Variants in ME3 observed in about 807,000 individuals in gnomAD.
ME3 encodes malic enzyme 3.
A neutral mutation model predicts 68.9 loss-of-function variants in ME3; 48 were observed. The ratio of observed to expected loss-of-function variants is 0.70; its 90% confidence interval spans 0.55 to 0.89. The LOEUF is 0.89. Among genes scored for constraint, ME3 ranks in the 40% least tolerant of loss-of-function variants. ME3 has a pLI of 0.00. For missense variants in ME3, 675 were observed against 797.4 expected (o/e 0.85, Z 1.85); for synonymous variants, 320 against 318.8 (o/e 1.00, Z -0.04).
intron 4 of ME3, among the ~76,000 whole-genome samples, chr11:86,550,899 G>A (rs1956635885): frequency 6.6e-6 from 1 of 152,058 alleles, no homozygotes; most frequent in African/African-American, 2.4e-5. Flanking sequence ...GTGTACAGCT[G>A]GAAATGGGCT....
intron 2 of ME3, among the ~76,000 whole-genome samples, chr11:86,579,889 T>A (rs1958337637): frequency 1.3e-5 from 2 of 152,180 alleles, no homozygotes; most frequent in South Asian, 4.1e-4. Context: ...GGCATTCCCA[T>A]TTTTTATTAG....
chr11:86,455,252 C>T (rs1244615370), intron 8 of ME3, among the ~76,000 whole-genome samples: 1 of 152,242 alleles, frequency 6.6e-6, no homozygotes, highest in Non-Finnish European at 1.5e-5. Flanking sequence ...CAAACATGAT[C>T]CCTGCCATCA....
intron 2 of ME3, among the ~76,000 whole-genome samples, chr11:86,572,118 C>T (rs1957830523): frequency 6.6e-6 from 1 of 152,172 alleles, no homozygotes. Flanking sequence ...TCTTTCTTCC[C>T]AGAAGCCCAT....
At chr11:86,639,979 C>T (rs929210265) in intron 2 of ME3, among the ~76,000 whole-genome samples, 10 of 152,130 alleles carry the variant, frequency 6.6e-5, no homozygotes, top group African/African-American at 2.4e-4. Context: ...ATCTCAACAT[C>T]TTCTATTGGG....
intron 4 of ME3, among the ~76,000 whole-genome samples, chr11:86,549,369 T>G (rs1956547983): frequency 6.6e-6 from 1 of 152,254 alleles, no homozygotes. Context: ...ATTCCTTTAC[T>G]TCCAGGTCTA....
rs922014298 is a variant in ME3 at position 86,496,025 on chromosome 11, C to T, written c.705+1938G>A. Among the ~76,000 whole-genome samples the T allele has an allele frequency of 5.3e-5, 8 of 152,158 alleles. No individual in the cohort carries two copies. The East Asian group carries it at 5.8e-4, about 11-fold the overall frequency. On this transcript the variant is annotated intron_variant, in intron 6 of 14. Transcript: ENST00000543262. The stretch of plus-strand genomic sequence containing the variant: ...CAGCTGTTAAGCAAGGTCTGCCCAC[C>T]GTTCCATCATTTGATCATATCTGCA...
chr11:86,602,661 A>G (rs1960908456), intron 2 of ME3, among the ~76,000 whole-genome samples: 2 of 152,238 alleles, frequency 1.3e-5, no homozygotes, highest in South Asian at 4.1e-4. Flanking sequence ...ATCCTAAGCC[A>G]AAAGAACAAA....
rs183325577 is a variant in ME3 at position 86,521,366 on chromosome 11, G to C, written c.468-12499C>G. Reference sequence around the variant, plus strand: ...GCCGAGACTGCGCCACTGCACTCCAGCCTGGGCGACAGAGCGAGACTCCAT... The same window carrying C: ...GCCGAGACTGCGCCACTGCACTCCACCCTGGGCGACAGAGCGAGACTCCAT... On this transcript the variant is annotated intron_variant, in intron 4 of 14. Transcript: ENST00000543262. 1.8e-3 allele frequency among the ~76,000 whole-genome samples: 267 copies of C among 150,858 alleles called. 2 individuals carry two copies. The highest frequency in any genetic ancestry group is 6.4e-3 in the African/African-American group (260 of 40,802).
At chr11:86,509,398 TCACACA>T (rs3045014) in intron 4 of ME3, among the ~76,000 whole-genome samples, 2,324 of 144,450 alleles carry the variant, frequency 0.016, 77 homozygotes, top group East Asian at 0.085. Flanking sequence ...TACTCCATCA[TCACACA>T]CACACACACA....
intron 2 of ME3, among the ~76,000 whole-genome samples, chr11:86,575,968 C>A (rs1466644361): frequency 6.6e-6 from 1 of 152,170 alleles, no homozygotes; most frequent in Non-Finnish European, 1.5e-5. Context: ...AGTTCTGGGT[C>A]TGAAAGTCTG....
intron 7 of ME3, among the ~76,000 whole-genome samples, chr11:86,486,031 C>T (rs1951669254): frequency 6.6e-6 from 1 of 152,162 alleles, no homozygotes; most frequent in Non-Finnish European, 1.5e-5. Flanking sequence ...CATCCTCACT[C>T]TATGCTGATG....
chr11:86,559,327 T>C (rs746272758), intron 3 of ME3, among the ~76,000 whole-genome samples: 2 of 151,942 alleles, frequency 1.3e-5, no homozygotes, highest in Non-Finnish European at 2.9e-5. Context: ...ACCTCTTTGC[T>C]CCAGTTCGTC....
intron 8 of ME3, among the ~76,000 whole-genome samples, chr11:86,453,906 C>G (rs1245859176): frequency 6.6e-6 from 1 of 152,222 alleles, no homozygotes; most frequent in Middle Eastern, 3.2e-3. Flanking sequence ...CCCTTAGCCT[C>G]AGAAGTTGTA....
chr11:86,613,961 A>G lies in ME3; in HGVS notation c.184-54138T>C, dbSNP rs142350961. ...ATTGATATTCTTCCTAGAATTAGAA[A>G]AAAATCTACTTTAAATTTCATATGG... On this transcript the variant is annotated intron_variant, in intron 2 of 14. Transcript: ENST00000543262. Among the ~76,000 whole-genome samples the G allele has an allele frequency of 2.4e-3, 363 of 152,314 alleles. 1 individual carries two copies. Among genetic ancestry groups the G allele is most frequent in the African/African-American group, 8.5e-3 (352 of 41,576 alleles).
chr11:86,443,742 A>AGT (rs1949134099), intron 13 of ME3, among the ~76,000 whole-genome samples: 1 of 152,226 alleles, frequency 6.6e-6, no homozygotes, highest in Non-Finnish European at 1.5e-5. Flanking sequence ...ATATTAGGGA[A>AGT]GTGGGCCTCC....
intron 2 of ME3, among the ~76,000 whole-genome samples, chr11:86,580,678 C>T (rs982126953): frequency 6.6e-6 from 1 of 152,098 alleles, no homozygotes; most frequent in Non-Finnish European, 1.5e-5. Context: ...GAAAACCTAC[C>T]CAAGATTATA....
At chr11:86,517,962 A>G (rs539098171) in intron 4 of ME3, among the ~76,000 whole-genome samples, 1 of 152,340 alleles carries the variant, frequency 6.6e-6, no homozygotes, top group East Asian at 1.9e-4. Flanking sequence ...ATTTCTATGA[A>G]GATTAAATAA....
intron 8 of ME3, chr11:86,462,707 T>C: frequency 1.4e-6 from 1 of 696,858 alleles, no homozygotes; most frequent in Non-Finnish European, 2.2e-6. Context: ...AAGGCATGGT[T>C]CTTGCCTCCA....
intron 5 of ME3, among the ~76,000 whole-genome samples, chr11:86,504,380 C>CTTTTTT (rs35899335): frequency 3.9e-5 from 3 of 77,406 alleles, no homozygotes; most frequent in African/African-American, 5.2e-5. Context: ...CCTATACATT[C>CTTTTTT]TTTTTTTTTT....
Sources: gnomAD v4.1 joint callset for allele counts (sites outside exome capture counted in the v4.1 genomes callset) on GRCh38, gnomAD v4.1.1 for gene constraint, MANE v1.5 for transcripts, NCBI Gene and HGNC (gene_info 2026-07-23, HGNC 2026-07-21) for gene names.